PHF14: variants seen among roughly 807,000 people sequenced by gnomAD.
PHF14 encodes PHD finger protein 14.
A neutral mutation model predicts 117.9 loss-of-function variants in PHF14; 55 were observed. The ratio of observed to expected loss-of-function variants is 0.47; its 90% CI spans 0.38 to 0.58. The LOEUF (loss-of-function observed/expected upper bound fraction) is 0.58. Ranked by LOEUF, PHF14 falls within the 20% of genes least tolerant of loss-of-function variation. The pLI is 0.00. For synonymous variants in PHF14, 409 were observed against 368.6 expected, an observed-to-expected ratio of 1.11 and a Z score of -1.26; for missense variants, 978 against 1,122.2, an observed-to-expected ratio of 0.87 and a Z score of 1.84.
chr7:11,032,633 T>C (rs997947427), intron 7 of PHF14, among the ~76,000 whole-genome samples: 3 of 152,218 alleles, frequency 2.0e-5, no homozygotes, highest in Non-Finnish European at 4.4e-5. Context: ...TAAATGACTT[T>C]AGATGGGGCA....
intron 5 of PHF14, among the ~76,000 whole-genome samples, chr7:11,016,811 T>C (rs1239140472): frequency 6.6e-6 from 1 of 152,304 alleles, no homozygotes; most frequent in East Asian, 1.9e-4. Flanking sequence ...GTCACCCTGT[T>C]GTGCTATTAA....
chr7:11,130,142 A>G lies in PHF14; in HGVS notation c.2772+18675A>G, dbSNP rs957340606. Among the ~76,000 whole-genome samples the G allele has an allele frequency of 2.0e-5, 3 of 152,018 alleles. No individual in the cohort carries two copies. Among genetic ancestry groups the G allele is most frequent in the African/African-American group, 4.8e-5 (2 of 41,426 alleles). On this transcript the variant is annotated intron_variant, in intron 17 of 17. Coordinates refer to ENST00000634607, the MANE Select transcript of PHF14 (RefSeq NM_001007157.2). The surrounding 1 kb of genome is among the most constrained non-coding windows in gnomAD (Gnocchi z 4.2). ...GAGCTGATGGAGGTTTTGTTTCAAC[A>G]TATGTGGTCCACAGCATAGTAGCAG...
chr7:11,138,298 C>T (rs1422803459), intron 17 of PHF14, among the ~76,000 whole-genome samples: 1 of 152,070 alleles, frequency 6.6e-6, no homozygotes, highest in African/African-American at 2.4e-5. Flanking sequence ...GCCTCGGCCC[C>T]CCAAAGTGCT....
At position 11,061,958 on chromosome 7, in the gene PHF14, T is replaced by C. The variant is rs1218597123; in HGVS notation, c.2533-6T>C. ...ATGTTTTATTTTATTATCCCTTGTA[T>C]GGCAGGAAAGAGTTCCTAGAGAGAG... On this transcript the variant is annotated splice_polypyrimidine_tract_variant and splice_region_variant and intron_variant, in intron 15 of 17. Transcript: ENST00000634607. 4 of 1,585,066 alleles carry C rather than the reference T, an allele frequency of 2.5e-6. No homozygotes were observed. Among genetic ancestry groups the C allele is most frequent in the East Asian group, 4.5e-5 (2 of 44,230 alleles).
intron 16 of PHF14, chr7:11,110,191 C>CT (rs985094796): frequency 6.6e-6 from 1 of 151,704 alleles, no homozygotes; most frequent in Non-Finnish European, 1.5e-5. Context: ...CTTCTTCCCC[C>CT]TTTTTTCCTA....
chr7:11,047,986 T>C (rs1458162300), intron 13 of PHF14, among the ~76,000 whole-genome samples: 1 of 151,528 alleles, frequency 6.6e-6, no homozygotes, highest in Non-Finnish European at 1.5e-5. Flanking sequence ...GAAAAACCTC[T>C]TGGTATTTCA....
Position 11,036,478 on chromosome 7 carries a change from A to G in PHF14, c.1663A>G (p.Arg555Gly). Reference protein sequence around the residue: ...RAKAELARSTRPQAWVPREKL... With the variant: ...RAKAELARSTGPQAWVPREKL... ...CAAAGCAGAACTAGCTCGATCTACCAGACCCCAGGCCTGGGTTCCAAGGGA... is the reference window on the plus strand; with the variant it reads ...CAAAGCAGAACTAGCTCGATCTACCGGACCCCAGGCCTGGGTTCCAAGGGA... Residue 555 changes from arginine to glycine, a missense_variant, in exon 9 of 18, where the codon AGA (arginine) becomes GGA (glycine). Coordinates refer to ENST00000634607, the MANE Select transcript of PHF14 (RefSeq NM_001007157.2). 6.2e-7 allele frequency: 1 copy of G among 1,613,816 alleles called. No homozygotes were observed. The highest frequency in any genetic ancestry group is 8.5e-7 in the Non-Finnish European group (1 of 1,179,716).
chr7:11,131,324 T>C (rs1030526520), intron 17 of PHF14, among the ~76,000 whole-genome samples: 7 of 151,950 alleles, frequency 4.6e-5, no homozygotes, highest in Non-Finnish European at 1.0e-4. Flanking sequence ...TTTGCCAGCA[T>C]TGATGCTGTC....
At chr7:11,113,270 A>G (rs1787500571) in intron 17 of PHF14, among the ~76,000 whole-genome samples, 1 of 152,166 alleles carries the variant, frequency 6.6e-6, no homozygotes, top group South Asian at 2.1e-4. Context: ...GCAAGGGGGC[A>G]TATTTTAGAT....
intron 16 of PHF14, among the ~76,000 whole-genome samples, chr7:11,099,434 T>G (rs2128340832): frequency 6.6e-6 from 1 of 152,258 alleles, no homozygotes; most frequent in African/African-American, 2.4e-5. Context: ...ATGGTATATA[T>G]TACATAGTGA....
intron 4 of PHF14, among the ~76,000 whole-genome samples, chr7:11,000,027 A>G (rs955375949): frequency 7.2e-5 from 11 of 152,220 alleles, no homozygotes; most frequent in Middle Eastern, 3.2e-3. Context: ...AAATTGATGC[A>G]TAAATAGGGA....
intron 17 of PHF14, among the ~76,000 whole-genome samples, chr7:11,134,631 A>G (rs904200006): frequency 2.0e-5 from 3 of 152,024 alleles, no homozygotes; most frequent in Non-Finnish European, 4.4e-5. Context: ...ACTTTTTGAC[A>G]GCTAGTTAAT....
chr7:11,055,644 A>G (rs951883573), intron 14 of PHF14, among the ~76,000 whole-genome samples: 1 of 152,134 alleles, frequency 6.6e-6, no homozygotes, highest in African/African-American at 2.4e-5. Context: ...TCGTTTTTCC[A>G]TCGCACTTAA....
At chr7:11,090,724 A>G (rs1786611825) in intron 16 of PHF14, among the ~76,000 whole-genome samples, 2 of 152,318 alleles carry the variant, frequency 1.3e-5, no homozygotes, top group South Asian at 4.1e-4. Context: ...CATATTAAAG[A>G]TACTGAAAGG....
chr7:11,048,402 T>C (rs910814872), intron 13 of PHF14, among the ~76,000 whole-genome samples: 1 of 152,072 alleles, frequency 6.6e-6, no homozygotes, highest in African/African-American at 2.4e-5. Flanking sequence ...TGAAACCCCA[T>C]CTGTACTAAA....
chr7:11,004,965 C>T (rs1287563379), intron 4 of PHF14, among the ~76,000 whole-genome samples: 1 of 151,742 alleles, frequency 6.6e-6, no homozygotes, highest in East Asian at 1.9e-4. Flanking sequence ...TACAGTAAGC[C>T]AAGATTCTGT....
chr7:11,019,516 A>C (rs1783654446), intron 5 of PHF14, among the ~76,000 whole-genome samples: 1 of 152,106 alleles, frequency 6.6e-6, no homozygotes, highest in Non-Finnish European at 1.5e-5. Flanking sequence ...AGATTTTCTA[A>C]TTTATTGGCA....
intron 4 of PHF14, among the ~76,000 whole-genome samples, chr7:10,998,651 T>C (rs1782749514): frequency 1.3e-5 from 2 of 152,196 alleles, no homozygotes; most frequent in Admixed American, 6.5e-5. Context: ...AGGTAAAGAA[T>C]ATGTTAACTC....
chr7:11,141,922 A>G (rs1562483995), intron 17 of PHF14, among the ~76,000 whole-genome samples: 1 of 152,002 alleles, frequency 6.6e-6, no homozygotes, highest in African/African-American at 2.4e-5. Flanking sequence ...AAATACTAGC[A>G]TATCTTCCTC....
Sources: gnomAD v4.1 joint callset for allele counts (sites outside exome capture counted in the v4.1 genomes callset) on GRCh38, gnomAD v4.1.1 for gene constraint, Gnocchi (gnomAD v3.1) non-coding constraint, MANE v1.5 for transcripts, NCBI Gene and HGNC (gene_info 2026-07-23, HGNC 2026-07-21) for gene names.